Variants in SCHIP1 observed in about 807,000 individuals in gnomAD.
SCHIP1 encodes schwannomin-interacting protein 1.
In SCHIP1, 8 loss-of-function variants were observed where a neutral mutation model predicts 29.7. The observed-to-expected ratio is 0.27, with a 90% confidence interval of 0.16 to 0.49. SCHIP1 has a LOEUF of 0.49. Among genes scored for constraint, SCHIP1 ranks in the 20% least tolerant of loss-of-function variants. SCHIP1 has a pLI of 0.99. For missense variants in SCHIP1, 193 were observed against 294.6 expected (o/e 0.66, Z 2.52); for synonymous variants, 76 against 94.9 (o/e 0.80, Z 1.16).
the SCHIP1 span, among the ~76,000 whole-genome samples, chr3:159,424,275 G>C: frequency 6.6e-6 from 1 of 152,054 alleles, no homozygotes; most frequent in East Asian, 1.9e-4. Context: ...TAAAGGCAAA[G>C]AAGTTAAAAA....
At chr3:159,646,894 A>G in the SCHIP1 span, among the ~76,000 whole-genome samples, 1 of 151,974 alleles carries the variant, frequency 6.6e-6, no homozygotes, top group Non-Finnish European at 1.5e-5. Flanking sequence ...ACTAAAAGAG[A>G]CCCAGGACCC....
At chr3:159,445,972 CG>C in the SCHIP1 span, among the ~76,000 whole-genome samples, 1 of 151,426 alleles carries the variant, frequency 6.6e-6, no homozygotes, top group Non-Finnish European at 1.5e-5. Context: ...CACATGTATA[CG>C]TATGTAACTA....
the SCHIP1 span, among the ~76,000 whole-genome samples, chr3:159,825,581 C>G: frequency 6.6e-6 from 1 of 152,186 alleles, no homozygotes; most frequent in African/African-American, 2.4e-5. Flanking sequence ...CCCTCGATCC[C>G]AAGGCCCTAA....
At chr3:159,582,314 C>T in the SCHIP1 span, among the ~76,000 whole-genome samples, 3 of 151,968 alleles carry the variant, frequency 2.0e-5, no homozygotes, top group Admixed American at 2.0e-4. Flanking sequence ...CAGGCTTGGG[C>T]CACCATGTCT....
At position 159,895,841 on chromosome 3, in the gene SCHIP1, G is replaced by A. The variant is rs556753992; in HGVS notation, c.684-882G>A. 3.9e-4 allele frequency among the ~76,000 whole-genome samples: 59 copies of A among 152,224 alleles called. No individual in the cohort carries two copies. In the South Asian group the frequency reaches 0.011, roughly 27 times the overall value. ...CTCCTGAATAGCTGGGATTACAGGC[G>A]CACACCACCATGCCCAGCTAATTTT... On this transcript the variant is annotated intron_variant, in intron 6 of 6. Transcript: ENST00000445224.
chr3:159,322,197 TCTAA>T, the SCHIP1 span, among the ~76,000 whole-genome samples: 1 of 152,078 alleles, frequency 6.6e-6, no homozygotes, highest in Non-Finnish European at 1.5e-5. Context: ...TCCTGAATTG[TCTAA>T]CTGAGCATCC....
the SCHIP1 span, among the ~76,000 whole-genome samples, chr3:159,760,649 C>T: frequency 1.3e-5 from 2 of 152,116 alleles, no homozygotes; most frequent in African/African-American, 4.8e-5. Context: ...TTCCAATTAC[C>T]GTGAATGAGG....
chr3:159,676,110 G>A, the SCHIP1 span, among the ~76,000 whole-genome samples: 1,730 of 152,210 alleles, frequency 0.011, 18 homozygotes, highest in African/African-American at 0.016. Flanking sequence ...CAGCCTGAGC[G>A]ACGGTGCAAG....
the SCHIP1 span, among the ~76,000 whole-genome samples, chr3:159,334,351 G>A: frequency 6.6e-6 from 1 of 152,122 alleles, no homozygotes; most frequent in Non-Finnish European, 1.5e-5. Flanking sequence ...GGTTTGATAT[G>A]CACATCATAG....
At chr3:159,331,464 G>T in the SCHIP1 span, among the ~76,000 whole-genome samples, 1 of 152,148 alleles carries the variant, frequency 6.6e-6, no homozygotes, top group African/African-American at 2.4e-5. Flanking sequence ...ACAGGGCACT[G>T]CAGTGTCTGA....
At chr3:159,386,033 T>C in the SCHIP1 span, among the ~76,000 whole-genome samples, 84 of 152,228 alleles carry the variant, frequency 5.5e-4, no homozygotes, top group Non-Finnish European at 1.0e-4. Flanking sequence ...ACTCATCCTT[T>C]TTTATGGCTG....
chr3:159,855,862 T>C (rs1352901737), intron 1 of SCHIP1, among the ~76,000 whole-genome samples: 1 of 152,174 alleles, frequency 6.6e-6, no homozygotes, highest in Non-Finnish European at 1.5e-5. Context: ...GAAAGGTCAC[T>C]TTCTGATGAC....
the SCHIP1 span, among the ~76,000 whole-genome samples, chr3:159,455,527 C>A: frequency 3.9e-5 from 6 of 152,168 alleles, no homozygotes; most frequent in Admixed American, 6.5e-5. Flanking sequence ...TAAGTTGAAA[C>A]AACTTAAGCT....
the SCHIP1 span, among the ~76,000 whole-genome samples, chr3:159,607,413 C>T: frequency 6.6e-6 from 1 of 152,036 alleles, no homozygotes; most frequent in Admixed American, 6.6e-5. Context: ...CAGTAGAAAG[C>T]TAAATTCCAA....
chr3:159,849,996 A>G (rs1168565754), intron 1 of SCHIP1, among the ~76,000 whole-genome samples: 1 of 152,206 alleles, frequency 6.6e-6, no homozygotes, highest in African/African-American at 2.4e-5. Context: ...CCCCTTAGAA[A>G]AGAGCTTGCA....
the SCHIP1 span, among the ~76,000 whole-genome samples, chr3:159,379,778 A>C: frequency 7.1e-6 from 1 of 140,110 alleles, no homozygotes; most frequent in Non-Finnish European, 1.5e-5. Flanking sequence ...CTGGGGAAAC[A>C]GTTGGGTGGG....
chr3:159,445,042 A>C, the SCHIP1 span, among the ~76,000 whole-genome samples: 40 of 152,086 alleles, frequency 2.6e-4, no homozygotes, highest in Admixed American at 9.2e-4. Context: ...TAATTAAACT[A>C]AAGAGCTTCT....
chr3:159,750,294 TATAC>T, the SCHIP1 span, among the ~76,000 whole-genome samples: 58 of 136,216 alleles, frequency 4.3e-4, no homozygotes, highest in African/African-American at 1.4e-3. Flanking sequence ...TATATATATA[TATAC>T]ACACACACAC....
At chr3:159,611,527 T>TG in the SCHIP1 span, among the ~76,000 whole-genome samples, 1 of 3,942 alleles carries the variant, frequency 2.5e-4, no homozygotes, top group Non-Finnish European at 4.2e-4. Flanking sequence ...CAGGGCGTGT[T>TG]GGGGGGTGGG....
Sources: gnomAD v4.1 joint callset for allele counts (sites outside exome capture counted in the v4.1 genomes callset) on GRCh38, gnomAD v4.1.1 for gene constraint, MANE v1.5 for transcripts, NCBI Gene and HGNC (gene_info 2026-07-23, HGNC 2026-07-21) for gene names.